Variants in PMM2 observed in about 807,000 individuals in gnomAD.
PMM2 encodes phosphomannomutase 2.
Under a neutral mutation model 33.2 loss-of-function variants are expected in PMM2, and 35 were observed. The observed-to-expected ratio is 1.06, with a 90% CI of 0.81 to 1.40. The LOEUF (loss-of-function observed/expected upper bound fraction) is 1.40, where lower values mean the gene tolerates loss of function less well. PMM2 is among the 40% of genes most tolerant of loss of function. The pLI is 0.00. For synonymous variants in PMM2, 153 were observed against 114.7 expected, an observed-to-expected ratio of 1.33 and a Z score of -2.13; for missense variants, 386 against 306.0, an observed-to-expected ratio of 1.26 and a Z score of -1.95.
In PMM2 at chr16:8,813,790, T is replaced by C. The variant is rs2060691274; in HGVS notation, c.639+684T>C. 1.3e-5 allele frequency among the ~76,000 whole-genome samples: 2 copies of C among 151,296 alleles called. 1 individual carries two copies. Among genetic ancestry groups the C allele is most frequent in the Non-Finnish European group, 2.9e-5 (2 of 67,888 alleles). On this transcript the variant is annotated intron_variant, in intron 7 of 7. Coordinates refer to ENST00000268261, the MANE Select transcript of PMM2 (RefSeq NM_000303.3). ...GATCCCCAGGAGGTCAGAGAGGCGT[T>C]GCTGCCATCAAAGGCCCAAGAGGAG...
chr16:8,833,522 C>CGGTGAAAATTTTTAGGGGGT (rs1411344328), intron 7 of PMM2, among the ~76,000 whole-genome samples: 32 of 151,302 alleles, frequency 2.1e-4, no homozygotes, highest in Non-Finnish European at 3.7e-4. Flanking sequence ...AGTGTTGGGG[C>CGGTGAAAATTTTTAGGGGGT]GGTGAAAATT....
At chr16:8,802,904 C>A (rs972986313) in intron 2 of PMM2, among the ~76,000 whole-genome samples, 2 of 151,936 alleles carry the variant, frequency 1.3e-5, no homozygotes, top group Non-Finnish European at 2.9e-5. Context: ...TCCCCAGAGT[C>A]CTCACATCTT....
At chr16:8,812,655 C>T (rs968793203) in intron 6 of PMM2, among the ~76,000 whole-genome samples, 1 of 152,216 alleles carries the variant, frequency 6.6e-6, no homozygotes, top group Non-Finnish European at 1.5e-5. Flanking sequence ...AAGCCCGAGA[C>T]AAGCACAGCA....
chr16:8,832,285 G>T (rs1004895908), intron 7 of PMM2: 2 of 985,314 alleles, frequency 2.0e-6, no homozygotes, highest in Non-Finnish European at 2.4e-6. Flanking sequence ...CGAGCCGTGC[G>T]GCTCTCTGAA....
At chr16:8,799,176 G>A (rs1342703766) in intron 1 of PMM2, among the ~76,000 whole-genome samples, 2 of 152,100 alleles carry the variant, frequency 1.3e-5, no homozygotes, top group Non-Finnish European at 2.9e-5. Context: ...ATATAAATAA[G>A]AGTGGCTGTG....
At chr16:8,836,151 G>T (rs1260571733) in intron 7 of PMM2, among the ~76,000 whole-genome samples, 1 of 142,132 alleles carries the variant, frequency 7.0e-6, no homozygotes, top group South Asian at 2.3e-4. Context: ...TTGAAAAGAA[G>T]GTAATGTGGA....
At chr16:8,817,066 G>A (rs1334405961) in intron 7 of PMM2, among the ~76,000 whole-genome samples, 3 of 152,176 alleles carry the variant, frequency 2.0e-5, no homozygotes, top group Admixed American at 6.5e-5. Context: ...TTAGAGGCGT[G>A]CACTACCACA....
rs2060946262 is a variant in PMM2 at position 8,848,792 on chromosome 16, A to C, written c.*967A>C. On this transcript the variant is annotated 3_prime_UTR_variant, in exon 8 of 8. Transcript: ENST00000268261. The stretch of plus-strand genomic sequence containing the variant: ...TAAGAGGAGCTGCTCTCCTATCTGC[A>C]CTCACCCAGGCCTTCACCCAGACTT... 1 of 152,192 alleles carries C rather than the reference A, an allele frequency of 6.6e-6. No individual in the cohort carries two copies. Among genetic ancestry groups the C allele is most frequent in the Admixed American group, 6.5e-5 (1 of 15,278 alleles). The allele number at this position is 152,192 out of a possible 1,614,324, so 9.4% of individuals were successfully genotyped here.
intron 7 of PMM2, among the ~76,000 whole-genome samples, chr16:8,843,648 G>A (rs986370357): frequency 2.0e-5 from 3 of 152,160 alleles, no homozygotes; most frequent in Non-Finnish European, 2.9e-5. Context: ...GTCTCACAGT[G>A]GAGGCAAGGA....
intron 7 of PMM2, chr16:8,832,750 G>C (rs577104154): frequency 2.0e-6 from 2 of 985,088 alleles, no homozygotes; most frequent in Non-Finnish European, 2.4e-6. Context: ...GCGGCTACCC[G>C]TGAAATCCCA....
intron 7 of PMM2, among the ~76,000 whole-genome samples, chr16:8,834,487 T>C (rs1200230153): frequency 0.018 from 2,658 of 151,520 alleles, 70 homozygotes; most frequent in African/African-American, 0.06. Flanking sequence ...AAGTGTCTAC[T>C]TAGAGTAAGA....
chr16:8,820,082 A>T (rs1041585719), intron 7 of PMM2, among the ~76,000 whole-genome samples: 5 of 152,212 alleles, frequency 3.3e-5, no homozygotes. Flanking sequence ...CCTGGATCCC[A>T]GCTACTCAGG....
Position 8,848,135 on chromosome 16 carries a change from A to C in PMM2, c.*310A>C. The C allele has an allele frequency of 2.8e-6, 1 of 358,522 alleles. No homozygotes were observed. The highest frequency in any genetic ancestry group is 5.2e-6 in the Non-Finnish European group (1 of 193,412). The allele number at this position is 358,522 out of a possible 1,614,324, so 22.2% of individuals were successfully genotyped here. A position where few individuals can be genotyped will look rare whatever the true frequency, so the allele number is the denominator to read the frequency against. On this transcript the variant is annotated 3_prime_UTR_variant, in exon 8 of 8. Coordinates refer to ENST00000268261, the MANE Select transcript of PMM2 (RefSeq NM_000303.3). ...ATGTAGTTTTGGCGGAAATTTCCCC[A>C]TCATTCTAGGATGATACAGAAAGAA...
At chr16:8,832,258 T>C (rs2141038235) in intron 7 of PMM2, 1 of 985,376 alleles carries the variant, frequency 1.0e-6, no homozygotes, top group East Asian at 1.1e-4. Context: ...GTTGTGTTTG[T>C]GATGCAGATG....
At position 8,805,632 on chromosome 16, in the gene PMM2, G is replaced by T. The variant is rs187445462; in HGVS notation, c.256-684G>T. Among the ~76,000 whole-genome samples, 3 of 146,970 alleles carry T rather than the reference G, an allele frequency of 2.0e-5. No homozygotes were observed. The East Asian group carries it at 6.0e-4, about 30-fold the overall frequency. ...TTTTTCGTGGTGGAATCTCACTCTT[G>T]CCCAGGCTGGAGTGCAGTGGCTCAA... On this transcript the variant is annotated intron_variant, in intron 3 of 7. Coordinates refer to ENST00000268261, the MANE Select transcript of PMM2 (RefSeq NM_000303.3).
In PMM2 at chr16:8,810,741, T is replaced by A. The variant is rs186065012; in HGVS notation, c.348-338T>A. On this transcript the variant is annotated intron_variant, in intron 4 of 7. Coordinates refer to ENST00000268261, the MANE Select transcript of PMM2 (RefSeq NM_000303.3). ...ATAGGCATGCATAACCATGCCAGGC[T>A]ATTTTTTGTATTTTTTGTAGAGACA... 8.4e-4 allele frequency: 307 copies of A among 365,228 alleles called. 1 individual carries two copies. Among genetic ancestry groups the A allele is most frequent in the African/African-American group, 6.0e-3 (283 of 47,496 alleles). The allele number at this position is 365,228 out of a possible 1,614,324, so 22.6% of individuals were successfully genotyped here.
intron 1 of PMM2, among the ~76,000 whole-genome samples, chr16:8,800,830 C>T (rs577803979): frequency 1.6e-4 from 24 of 152,146 alleles, no homozygotes; most frequent in Admixed American, 3.3e-4. Flanking sequence ...ACTACAGGCG[C>T]CCACCAGCGC....
intron 4 of PMM2, chr16:8,808,021 T>A (rs559907360): frequency 2.6e-5 from 4 of 152,334 alleles, no homozygotes; most frequent in African/African-American, 9.6e-5. Flanking sequence ...TTTTCAACAC[T>A]TACTATGTAA....
intron 7 of PMM2, among the ~76,000 whole-genome samples, chr16:8,818,491 T>C (rs2060719891): frequency 6.6e-6 from 1 of 152,230 alleles, no homozygotes; most frequent in African/African-American, 2.4e-5. Flanking sequence ...TTTTCAGTGA[T>C]AGACATTTAG....
Sources: gnomAD v4.1 joint callset for allele counts (sites outside exome capture counted in the v4.1 genomes callset) on GRCh38, gnomAD v4.1.1 for gene constraint, MANE v1.5 for transcripts, NCBI Gene and HGNC (gene_info 2026-07-23, HGNC 2026-07-21) for gene names.